The following PACRG variants were observed in gnomAD, a reference collection of about 807,000 sequenced individuals.
The protein encoded by PACRG is parkin coregulated gene protein.
PACRG carries 29 observed loss-of-function variants against 29.7 expected under a neutral mutation model. The ratio of observed to expected loss-of-function variants is 0.98; its 90% CI spans 0.73 to 1.33. The LOEUF (loss-of-function observed/expected upper bound fraction) is 1.33, where lower values mean the gene tolerates loss of function less well. PACRG is among the 40% of genes most tolerant of loss of function. PACRG has a pLI of 0.00. For missense variants in PACRG, 279 were observed against 316.2 expected (o/e 0.88, Z 0.89); for synonymous variants, 116 against 118.7 (o/e 0.98, Z 0.15).
At chr6:163,263,087 T>C (rs1410308417) in intron 4 of PACRG, among the ~76,000 whole-genome samples, 2 of 148,116 alleles carry the variant, frequency 1.4e-5, no homozygotes, top group Non-Finnish European at 3.0e-5. Context: ...TCTGCAATTG[T>C]GAAAAATAAA....
chr6:163,235,861 G>T (rs1035822261), intron 4 of PACRG, among the ~76,000 whole-genome samples: 2 of 151,814 alleles, frequency 1.3e-5, no homozygotes, highest in Non-Finnish European at 2.9e-5. Context: ...TTTTATTATT[G>T]TCAAATATTG....
chr6:163,081,151 T>G (rs1288425765), intron 3 of PACRG, among the ~76,000 whole-genome samples: 1 of 152,154 alleles, frequency 6.6e-6, no homozygotes, highest in Non-Finnish European at 1.5e-5. Flanking sequence ...AATAGAAAAT[T>G]ATATGGTTGG....
At position 162,734,109 on chromosome 6, in the gene PACRG, A is replaced by G. The variant is rs1779979150; in HGVS notation, c.156+5718A>G. Among the ~76,000 whole-genome samples, 4 of 152,344 alleles carry G rather than the reference A, an allele frequency of 2.6e-5. No homozygotes were observed. In the South Asian group the frequency reaches 8.3e-4, roughly 32 times the overall value. On this transcript the variant is annotated intron_variant, in intron 1 of 4. Transcript: ENST00000366888. ...CTATATTTTATACTATAATTAGACA[A>G]TCATCTTCAAATCAGTGGCTCCAAA... is the stretch of plus-strand genomic sequence containing the variant.
Position 162,938,854 on chromosome 6 carries a change from G to GT in PACRG, c.292-123290dup, listed in dbSNP as rs565196846. ...GCTCACTTTTTATTGGAATTGTTTG[G>GT]TTTTTTCTTGCTAATTCATTTGAGT... is the stretch of plus-strand genomic sequence containing the variant. On this transcript the variant is annotated intron_variant, in intron 2 of 4. Coordinates refer to ENST00000366888, the MANE Select transcript of PACRG (RefSeq NM_001080379.2). 1.5e-3 allele frequency among the ~76,000 whole-genome samples: 234 copies of GT among 152,014 alleles called. 1 individual carries two copies. The highest frequency in any genetic ancestry group is 5.4e-3 in the African/African-American group (224 of 41,468).
chr6:162,871,473 C>A (rs1190944586), intron 2 of PACRG, among the ~76,000 whole-genome samples: 1 of 152,176 alleles, frequency 6.6e-6, no homozygotes, highest in African/African-American at 2.4e-5. Flanking sequence ...CCATAGTGGC[C>A]TTCTTCTGTG....
At chr6:162,871,162 C>T (rs866595420) in intron 2 of PACRG, among the ~76,000 whole-genome samples, 2 of 152,158 alleles carry the variant, frequency 1.3e-5, no homozygotes, top group South Asian at 4.1e-4. Context: ...TGTAACTGTG[C>T]TCCTTTTAGG....
At chr6:163,290,411 G>A (rs745360940) in intron 4 of PACRG, among the ~76,000 whole-genome samples, 3 of 151,760 alleles carry the variant, frequency 2.0e-5, no homozygotes, top group South Asian at 2.1e-4. Flanking sequence ...GACCAAAAAC[G>A]TTGACCAGAC....
intron 4 of PACRG, among the ~76,000 whole-genome samples, chr6:163,302,797 G>A (rs1351670074): frequency 6.6e-6 from 1 of 152,152 alleles, no homozygotes; most frequent in Non-Finnish European, 1.5e-5. Context: ...AGCACGATTG[G>A]TGAGTTTATC....
intron 4 of PACRG, chr6:163,101,466 C>A: frequency 1.1e-6 from 1 of 902,362 alleles, no homozygotes; most frequent in Non-Finnish European, 1.3e-6. Flanking sequence ...AATCACCTAA[C>A]CAAATGTCTT....
intron 3 of PACRG, among the ~76,000 whole-genome samples, chr6:163,084,494 T>C (rs766315498): frequency 2.6e-5 from 4 of 152,160 alleles, no homozygotes; most frequent in Middle Eastern, 3.2e-3. Flanking sequence ...GTTAAGAGGC[T>C]TTTAAATAGT....
chr6:163,119,840 T>C (rs973568595), intron 4 of PACRG, among the ~76,000 whole-genome samples: 1 of 152,178 alleles, frequency 6.6e-6, no homozygotes, highest in African/African-American at 2.4e-5. Context: ...ATTTTTGTTG[T>C]TGTTGTTGTT....
chr6:162,776,914 T>C (rs1308190223), intron 1 of PACRG, among the ~76,000 whole-genome samples: 1 of 152,108 alleles, frequency 6.6e-6, no homozygotes, highest in Non-Finnish European at 1.5e-5. Flanking sequence ...ATAAGAATGA[T>C]ACGTTGGACT....
At chr6:162,831,908 T>C (rs1788804238) in intron 2 of PACRG, among the ~76,000 whole-genome samples, 2 of 152,224 alleles carry the variant, frequency 1.3e-5, no homozygotes, top group African/African-American at 2.4e-5. Context: ...AAGTTTATCA[T>C]TGATGGGCAT....
chr6:163,277,287 A>G (rs1585393557), intron 4 of PACRG, among the ~76,000 whole-genome samples: 2 of 151,952 alleles, frequency 1.3e-5, no homozygotes, highest in East Asian at 1.9e-4. Flanking sequence ...CCCAAAGTCC[A>G]ATGTATCATT....
At chr6:163,262,318 C>T (rs1783357344) in intron 4 of PACRG, among the ~76,000 whole-genome samples, 1 of 152,170 alleles carries the variant, frequency 6.6e-6, no homozygotes, top group Non-Finnish European at 1.5e-5. Flanking sequence ...GCGCAATTAG[C>T]TTATTTAAGA....
At position 163,119,301 on chromosome 6, in the gene PACRG, C is replaced by T. The variant is rs149448778; in HGVS notation, c.613+29893C>T. 3.2e-3 allele frequency among the ~76,000 whole-genome samples: 493 copies of T among 152,336 alleles called. 1 individual carries two copies. Among genetic ancestry groups the T allele is most frequent in the Non-Finnish European group, 4.3e-3 (292 of 68,034 alleles). On this transcript the variant is annotated intron_variant, in intron 4 of 4. Coordinates refer to ENST00000366888, the MANE Select transcript of PACRG (RefSeq NM_001080379.2). ...TAACTCATCTGTACCACCATGTTCT[C>T]GTCTGTGAAACTTGGGTATTAACAG...
At chr6:163,263,903 T>TCC (rs1783430619) in intron 4 of PACRG, among the ~76,000 whole-genome samples, 2 of 152,198 alleles carry the variant, frequency 1.3e-5, no homozygotes. Flanking sequence ...TGTGACTTCA[T>TCC]TTGTAATACT....
intron 4 of PACRG, among the ~76,000 whole-genome samples, chr6:163,094,638 G>C (rs1814408684): frequency 6.6e-6 from 1 of 152,096 alleles, no homozygotes; most frequent in East Asian, 1.9e-4. Context: ...ATAGAGCTTG[G>C]CACACCTAGT....
intron 1 of PACRG, among the ~76,000 whole-genome samples, chr6:162,772,714 G>A (rs565925174): frequency 6.6e-6 from 1 of 152,268 alleles, no homozygotes; most frequent in African/African-American, 2.4e-5. Context: ...AATACAAAGA[G>A]TAGGCTAGAG....
Sources: gnomAD v4.1 joint callset for allele counts (sites outside exome capture counted in the v4.1 genomes callset) on GRCh38, gnomAD v4.1.1 for gene constraint, MANE v1.5 for transcripts, NCBI Gene and HGNC (gene_info 2026-07-23, HGNC 2026-07-21) for gene names.